SLC26A7: variants seen among roughly 807,000 people sequenced by gnomAD.
SLC26A7 encodes solute carrier family 26 member 7, also known as anion exchange transporter.
SLC26A7 carries 59 observed loss-of-function variants against 82.5 expected under a neutral mutation model. The observed-to-expected ratio is 0.72, with a 90% CI of 0.58 to 0.89. The LOEUF (loss-of-function observed/expected upper bound fraction) is 0.89. Among genes scored for constraint, SLC26A7 ranks in the 40% least tolerant of loss-of-function variants. The pLI is 0.00. For missense variants in SLC26A7, 820 were observed against 793.0 expected (o/e 1.03, Z -0.41); for synonymous variants, 271 against 274.3 (o/e 0.99, Z 0.12).
upstream of SLC26A7, among the ~76,000 whole-genome samples, chr8:91,247,182 A>G (rs1810555697): frequency 6.6e-6 from 1 of 152,246 alleles, no homozygotes; most frequent in South Asian, 2.1e-4. Flanking sequence ...GATTTTACAA[A>G]AAATCTTTCT....
intron 5 of SLC26A7, among the ~76,000 whole-genome samples, chr8:91,318,743 T>G (rs1812711230): frequency 6.6e-6 from 1 of 152,178 alleles, no homozygotes; most frequent in Non-Finnish European, 1.5e-5. Flanking sequence ...CTTTCAGTAT[T>G]ACAAATCCTG....
Position 91,298,132 on chromosome 8 carries a change from T to G in SLC26A7, c.477+2429T>G, listed in dbSNP as rs191295783. ...CTGGCAACACATTCAATTGATGAAC[T>G]AATCAGCTTTCTGTTATTACATAAT... On this transcript the variant is annotated intron_variant, in intron 4 of 18. Transcript: ENST00000276609. 1.8e-4 allele frequency among the ~76,000 whole-genome samples: 27 copies of G among 152,282 alleles called. No homozygotes were observed. The East Asian group carries it at 5.0e-3, about 28-fold the overall frequency.
chr8:91,367,821 G>A (rs1193258879), intron 14 of SLC26A7, among the ~76,000 whole-genome samples: 1 of 151,926 alleles, frequency 6.6e-6, no homozygotes, highest in Non-Finnish European at 1.5e-5. Flanking sequence ...TTGTGTCCTC[G>A]AGCTACTTAT....
At chr8:91,252,859 T>G (rs897248618) in intron 2 of SLC26A7, among the ~76,000 whole-genome samples, 4 of 152,122 alleles carry the variant, frequency 2.6e-5, no homozygotes, top group Non-Finnish European at 5.9e-5. Flanking sequence ...TCATGTATGA[T>G]CCTCATGTCC....
At chr8:91,223,241 C>T (rs762479179) in intron 2 of SLC26A7, among the ~76,000 whole-genome samples, 9 of 152,026 alleles carry the variant, frequency 5.9e-5, no homozygotes, top group African/African-American at 1.9e-4. Context: ...ATTAGTCTAG[C>T]TAGCAGTCTA....
intron 2 of SLC26A7, among the ~76,000 whole-genome samples, chr8:91,279,669 C>T (rs1343830105): frequency 6.6e-6 from 1 of 152,132 alleles, no homozygotes; most frequent in African/African-American, 2.4e-5. Flanking sequence ...ACGCCATTCT[C>T]CTGCCTCAGC....
intron 2 of SLC26A7, among the ~76,000 whole-genome samples, chr8:91,287,957 T>G (rs1352303522): frequency 1.3e-5 from 2 of 152,156 alleles, no homozygotes; most frequent in African/African-American, 4.8e-5. Flanking sequence ...CACCAGACTG[T>G]AGGGATACAT....
intron 15 of SLC26A7, among the ~76,000 whole-genome samples, chr8:91,376,998 A>C (rs1347325248): frequency 1.3e-5 from 2 of 151,894 alleles, no homozygotes; most frequent in Non-Finnish European, 2.9e-5. Context: ...ACTAAAACCA[A>C]CTCAGGGCAG....
At chr8:91,256,166 A>G (rs2130706739) in intron 2 of SLC26A7, among the ~76,000 whole-genome samples, 1 of 152,282 alleles carries the variant, frequency 6.6e-6, no homozygotes. Context: ...CAAGGGTTCC[A>G]TATCTAGCAA....
chr8:91,355,688 C>G (rs1261986142), intron 11 of SLC26A7, among the ~76,000 whole-genome samples: 2 of 151,424 alleles, frequency 1.3e-5, no homozygotes, highest in African/African-American at 4.9e-5. Flanking sequence ...ATTATATTGC[C>G]TATTACATAT....
At chr8:91,348,953 C>A (rs1813640488) in intron 9 of SLC26A7, among the ~76,000 whole-genome samples, 1 of 152,142 alleles carries the variant, frequency 6.6e-6, no homozygotes, top group African/African-American at 2.4e-5. Flanking sequence ...AATTTGAGCT[C>A]TTTTTGAATT....
intron 2 of SLC26A7, among the ~76,000 whole-genome samples, chr8:91,223,528 G>A (rs2130665872): frequency 6.6e-6 from 1 of 152,242 alleles, no homozygotes; most frequent in South Asian, 2.1e-4. Flanking sequence ...CTGGTACATT[G>A]TCTCCTCATT....
chr8:91,366,608 C>A lies in SLC26A7; in HGVS notation c.1517C>A (p.Ser506Ter). The A allele has an allele frequency of 1.2e-6, 2 of 1,613,240 alleles. No homozygotes were observed. The highest frequency in any genetic ancestry group is 1.7e-6 in the Non-Finnish European group (2 of 1,179,728). ...SETLQQVKII[S>*]INNPLVFLNA... ...ACCCTGCAGCAGGTGAAAATTATCT[C>A]AATAAACAACCCGCTTGTTTTCCTG... is the stretch of plus-strand genomic sequence containing the variant. Residue 506 changes from serine to a stop codon, truncating the protein, a stop_gained, in exon 14 of 19, where the codon TCA (serine) becomes TAA (stop). Coordinates refer to ENST00000276609, the MANE Select transcript of SLC26A7 (RefSeq NM_052832.4). LOFTEE classifies it high-confidence loss of function.
intron 5 of SLC26A7, among the ~76,000 whole-genome samples, chr8:91,321,305 T>C (rs1452811841): frequency 6.6e-6 from 1 of 152,224 alleles, no homozygotes; most frequent in Non-Finnish European, 1.5e-5. Flanking sequence ...AGATGATAGA[T>C]AACAGACTTC....
intron 5 of SLC26A7, among the ~76,000 whole-genome samples, chr8:91,326,248 C>G (rs555930597): frequency 6.6e-6 from 1 of 152,152 alleles, no homozygotes; most frequent in Non-Finnish European, 1.5e-5. Context: ...CCCCTCTGCC[C>G]TCTCTATTAG....
chr8:91,265,571 T>C (rs760869697), intron 2 of SLC26A7, among the ~76,000 whole-genome samples: 3 of 152,048 alleles, frequency 2.0e-5, no homozygotes, highest in Non-Finnish European at 4.4e-5. Context: ...TTTTTTGTCA[T>C]TTTGATGATA....
chr8:91,296,880 T>TTA (rs1812031664), intron 4 of SLC26A7, among the ~76,000 whole-genome samples: 2 of 152,278 alleles, frequency 1.3e-5, no homozygotes, highest in South Asian at 4.1e-4. Flanking sequence ...ACAGACAGGC[T>TTA]TAGTGGCTTT....
At chr8:91,234,791 C>CCCTACCTACCTCCCTA (rs1810363804) in intron 2 of SLC26A7, among the ~76,000 whole-genome samples, 1 of 121,464 alleles carries the variant, frequency 8.2e-6, no homozygotes, top group Non-Finnish European at 1.7e-5. Context: ...TTCCCTCCCT[C>CCCTACCTACCTCCCTA]CCTACCTACC....
chr8:91,342,622 G>A (rs1300835640), intron 8 of SLC26A7, among the ~76,000 whole-genome samples: 1 of 152,176 alleles, frequency 6.6e-6, no homozygotes, highest in African/African-American at 2.4e-5. Flanking sequence ...GGAAGAACAT[G>A]GGAGAACCAG....
Sources: gnomAD v4.1 joint callset for allele counts (sites outside exome capture counted in the v4.1 genomes callset) on GRCh38, gnomAD v4.1.1 for gene constraint, MANE v1.5 for transcripts, NCBI Gene and HGNC (gene_info 2026-07-23, HGNC 2026-07-21) for gene names.